The following SQSTM1 variants were observed in gnomAD, a reference collection of about 807,000 sequenced individuals.
SQSTM1 encodes sequestosome 1, also known as sequestosome-1.
SQSTM1 carries 36 observed loss-of-function variants against 45.1 expected under a neutral mutation model. The observed-to-expected ratio is 0.80, with a 90% CI of 0.61 to 1.05. SQSTM1 has a LOEUF of 1.05. Ranked by LOEUF, SQSTM1 falls within the 50% of genes least tolerant of loss-of-function variation. The pLI is 0.00. For synonymous variants in SQSTM1, 290 were observed against 244.3 expected (o/e 1.19, Z -1.74); for missense variants, 617 against 607.1 (o/e 1.02, Z -0.17).
chr5:179,820,739 G>A, upstream of SQSTM1: 1 of 495,296 alleles, frequency 2.0e-6, no homozygotes, highest in Non-Finnish European at 3.5e-6. Context: ...GACCTGGAGC[G>A]AGGGGTAGCG....
intron 5 of SQSTM1, 46 bp downstream of exon 5, chr5:179,825,272 T>C: frequency 1.4e-6 from 2 of 1,474,844 alleles, no homozygotes; most frequent in South Asian, 1.1e-5. Context: ...CAGCCTGCAC[T>C]TTATGTAACT....
In SQSTM1 at chr5:179,821,076, T is replaced by TGCTGAGCCGGGTGGCC; in HGVS notation, c.143_158dup (p.Leu54GlufsTer22). 1 of 1,477,086 alleles carries TGCTGAGCCGGGTGGCC rather than the reference T, an allele frequency of 6.8e-7. No homozygotes were observed. The highest frequency in any genetic ancestry group is 9.0e-7 in the Non-Finnish European group (1 of 1,117,068). The allele number at this position is 1,477,086 out of a possible 1,614,324, so 91.5% of individuals were successfully genotyped here. A position where few individuals can be genotyped will look rare whatever the true frequency, so the allele number is the denominator to read the frequency against. ...GCGGGTCCGGGACCCTGCGAGCGGCTGCTGAGCCGGGTGGCCGCCCTGTTC... is the reference window on the plus strand; with the variant it reads ...GCGGGTCCGGGACCCTGCGAGCGGCTGCTGAGCCGGGTGGCCGCTGAGCCGGGTGGCCGCCCTGTTC... On this transcript the variant is annotated frameshift_variant, in exon 1 of 8. Transcript: ENST00000389805. LOFTEE classifies it high-confidence loss of function.
upstream of SQSTM1, among the ~76,000 whole-genome samples, chr5:179,817,834 A>AC (rs1428428300): frequency 1.3e-5 from 2 of 151,958 alleles, no homozygotes; most frequent in African/African-American, 4.8e-5. Flanking sequence ...ACATAGTGAA[A>AC]CCCATCTCTA....
upstream of SQSTM1, chr5:179,820,884 C>A: frequency 7.0e-7 from 1 of 1,422,266 alleles, no homozygotes. Context: ...CTACAAAAGC[C>A]GCGCGGCGGC....
At chr5:179,829,324 C>T (rs1337141604) in intron 5 of SQSTM1, among the ~76,000 whole-genome samples, 2 of 152,268 alleles carry the variant, frequency 1.3e-5, no homozygotes, top group East Asian at 1.9e-4. Flanking sequence ...TCCTACAGCT[C>T]CTGCCTGCCA....
In SQSTM1 at chr5:179,837,937, C is replaced by G. The variant is rs1758684696; in HGVS notation, c.*1344C>G. On this transcript the variant is annotated 3_prime_UTR_variant, in exon 8 of 8. Coordinates refer to ENST00000389805, the MANE Select transcript of SQSTM1 (RefSeq NM_003900.5). Reference sequence around the variant, plus strand: ...CATGTGTAAGAACAATGCCAGGGCCCAGGAGGACCGCCTGCCCTGCCTGGG... The same window carrying G: ...CATGTGTAAGAACAATGCCAGGGCCGAGGAGGACCGCCTGCCCTGCCTGGG... 1 of 1,548,518 alleles carries G rather than the reference C, an allele frequency of 6.5e-7. No individual in the cohort carries two copies. The highest frequency in any genetic ancestry group is 8.7e-7 in the Non-Finnish European group (1 of 1,147,106).
intron 1 of SQSTM1, among the ~76,000 whole-genome samples, chr5:179,809,189 C>T (rs1431223611): frequency 2.9e-4 from 29 of 99,938 alleles, no homozygotes; most frequent in South Asian, 4.2e-4. Context: ...GACGGAGTCT[C>T]GGTCTGTCGC....
chr5:179,824,473 A>AGGGG, intron 4 of SQSTM1, 150 bp downstream of exon 4: 1 of 1,231,372 alleles, frequency 8.1e-7, no homozygotes, highest in South Asian at 1.3e-5. Flanking sequence ...AACCCTGCAA[A>AGGGG]GTGGGGTGTA....
chr5:179,816,792 G>GC (rs928027724), upstream of SQSTM1, among the ~76,000 whole-genome samples: 13 of 151,880 alleles, frequency 8.6e-5, no homozygotes, highest in African/African-American at 2.4e-4. Flanking sequence ...CCTTGTCGCC[G>GC]CCCCCCCGTC....
intron 7 of SQSTM1, 87 bp from the exon 8 acceptor site, chr5:179,836,349 C>T: frequency 6.3e-7 from 1 of 1,591,708 alleles, no homozygotes; most frequent in South Asian, 1.1e-5. Flanking sequence ...GACCCTGGTC[C>T]TGGCTGGCCA....
In SQSTM1 at chr5:179,806,897, C is replaced by CGGGCCGGGCTGGGCT. The variant is rs1554160001; in HGVS notation, c.-157+311_-157+325dup. 4.6e-5 allele frequency: 7 copies of CGGGCCGGGCTGGGCT among 150,910 alleles called. No individual in the cohort carries two copies. The highest frequency in any genetic ancestry group is 2.6e-4 in the Admixed American group (4 of 15,096). The allele number at this position is 150,910 out of a possible 1,614,324, so 9.3% of individuals were successfully genotyped here. A position where few individuals can be genotyped will look rare whatever the true frequency, so the allele number is the denominator to read the frequency against. ...CCTCGCCTCCGCGGCAGGGCCGGGC[C>CGGGCCGGGCTGGGCT]GGGCCGGGCTGGGCTGGGCTGGGCG... is the stretch of plus-strand genomic sequence containing the variant. On this transcript the variant is annotated intron_variant, in intron 1 of 5. Coordinates refer to the SQSTM1 transcript ENST00000514093. This position sits in a 1 kb window ranked among gnomAD's most constrained non-coding sequence, Gnocchi z 4.6.
chr5:179,823,076 G>A (rs1421596014), intron 2 of SQSTM1, 23 bp downstream of exon 2: 3 of 1,605,322 alleles, frequency 1.9e-6, no homozygotes, highest in Admixed American at 3.3e-5. Flanking sequence ...TCTGGGGGCT[G>A]CCTGAAGCCA....
rs1449340111 is a variant in SQSTM1 at position 179,836,814 on chromosome 5, G to C, written c.*221G>C. Reference sequence around the variant, plus strand: ...TTCCTGGGTGCCCTGGCTCCTTGCAGCAGGGCTGGGCCTGCGAGACCCAAG... The same window carrying C: ...TTCCTGGGTGCCCTGGCTCCTTGCACCAGGGCTGGGCCTGCGAGACCCAAG... On this transcript the variant is annotated 3_prime_UTR_variant, in exon 8 of 8. Transcript: ENST00000389805. The C allele has an allele frequency of 1.4e-6, 1 of 724,232 alleles. No homozygotes were observed. Among genetic ancestry groups the C allele is most frequent in the Non-Finnish European group, 2.3e-6 (1 of 427,014 alleles). 44.9% of individuals were successfully genotyped at this position (724,232 alleles called of 1,614,324 possible). A position where few individuals can be genotyped will look rare whatever the true frequency, so the allele number is the denominator to read the frequency against.
chr5:179,828,947 G>C (rs1245458706), intron 5 of SQSTM1, among the ~76,000 whole-genome samples: 1 of 152,156 alleles, frequency 6.6e-6, no homozygotes, highest in African/African-American at 2.4e-5. Context: ...CTCTGTGCCA[G>C]AACAGGGCAT....
At position 179,820,933 on chromosome 5, in the gene SQSTM1, C is replaced by G. The variant is rs920805837; in HGVS notation, c.-4C>G. On this transcript the variant is annotated 5_prime_UTR_variant, in exon 1 of 8. Coordinates refer to ENST00000389805, the MANE Select transcript of SQSTM1 (RefSeq NM_003900.5). The stretch of plus-strand genomic sequence containing the variant: ...GCCCGTTTTCCGCCAGCTCGCCGCT[C>G]GCTATGGCGTCGCTCACCGTGAAGG... 11 of 1,536,178 alleles carry G rather than the reference C, an allele frequency of 7.2e-6. No homozygotes were observed. The highest frequency in any genetic ancestry group is 1.2e-5 in the South Asian group (1 of 85,108).
At chr5:179,834,667 C>G (rs1418980580) in intron 7 of SQSTM1, among the ~76,000 whole-genome samples, 3 of 152,036 alleles carry the variant, frequency 2.0e-5, no homozygotes, top group East Asian at 1.9e-4. Context: ...CATCTTGCAC[C>G]GCCCTTAATC....
chr5:179,820,967 C>T lies in SQSTM1; in HGVS notation c.31C>T (p.Leu11=), dbSNP rs777193579. 7.0e-6 allele frequency: 11 copies of T among 1,574,144 alleles called. No individual in the cohort carries two copies. In the East Asian group the frequency reaches 1.5e-4, roughly 21 times the overall value. The change falls in exon 1 of 8, where the codon CTG becomes TTG. Residue 11 remains leucine, a synonymous_variant. Coordinates refer to ENST00000389805, the MANE Select transcript of SQSTM1 (RefSeq NM_003900.5). The part of the protein sequence containing the change: MASLTVKAYL[L]GKEDAAREIR... The stretch of plus-strand genomic sequence containing the variant: ...GTCGCTCACCGTGAAGGCCTACCTT[C>T]TGGGCAAGGAGGACGCGGCGCGCGA...
At chr5:179,817,062 C>T (rs1461949800), upstream of SQSTM1, among the ~76,000 whole-genome samples, 1 of 144,412 alleles carries the variant, frequency 6.9e-6, no homozygotes, top group African/African-American at 2.5e-5. Flanking sequence ...AGGCCTTCCG[C>T]GGGCGTGCAC....
intron 5 of SQSTM1, among the ~76,000 whole-genome samples, chr5:179,826,390 C>A (rs1757988425): frequency 6.6e-6 from 1 of 151,706 alleles, no homozygotes; most frequent in Non-Finnish European, 1.5e-5. Context: ...TGGTCTTGAA[C>A]TTCTGACCTC....
Sources: allele counts gnomAD v4.1 joint callset (sites outside exome capture counted in the v4.1 genomes callset), GRCh38; gene constraint gnomAD v4.1.1; non-coding constraint Gnocchi (gnomAD v3.1); transcripts MANE v1.5; gene names NCBI Gene and HGNC (gene_info 2026-07-23, HGNC 2026-07-21).